The following KPNA6 variants were observed in gnomAD, a reference collection of about 807,000 sequenced individuals.
KPNA6 encodes importin subunit alpha-7.
A neutral mutation model predicts 72.0 loss-of-function variants in KPNA6; 9 were observed. The observed-to-expected ratio is 0.13, with a 90% CI of 0.08 to 0.22. The LOEUF is 0.22. Among genes scored for constraint, KPNA6 ranks in the 10% least tolerant of loss-of-function variants. The pLI, the probability that KPNA6 is intolerant of heterozygous loss-of-function variation, is 1.00. For synonymous variants in KPNA6, 219 were observed against 242.1 expected (o/e 0.90, Z 0.89); for missense variants, 374 against 655.7 (o/e 0.57, Z 4.69).
intron 1 of KPNA6, among the ~76,000 whole-genome samples, chr1:32,117,886 C>T (rs1359992201): frequency 6.6e-6 from 1 of 151,918 alleles, no homozygotes; most frequent in African/African-American, 2.4e-5. Context: ...ATCTCTTCCC[C>T]ACCCATCTTT....
chr1:32,156,621 T>G (rs570008814), intron 2 of KPNA6, among the ~76,000 whole-genome samples: 2 of 152,240 alleles, frequency 1.3e-5, no homozygotes, highest in African/African-American at 4.8e-5. Flanking sequence ...TTAAAACTTA[T>G]GAATTGTTCA....
chr1:32,151,598 T>C (rs904256712), intron 1 of KPNA6, among the ~76,000 whole-genome samples: 16 of 152,322 alleles, frequency 1.1e-4, no homozygotes, highest in African/African-American at 3.4e-4. Context: ...ACTGGTGAGA[T>C]TTCCGTGGTG....
chr1:32,154,731 T>C lies in KPNA6; in HGVS notation c.138+10T>C. 6.2e-7 allele frequency: 1 copy of C among 1,613,704 alleles called. No individual in the cohort carries two copies. Among genetic ancestry groups the C allele is most frequent in the Non-Finnish European group, 8.5e-7 (1 of 1,179,858 alleles). ...GAAGCGAGAGCAACAAGTGAGTTAA[T>C]GGGAGTATTCTCAAACATACTATTC... is the stretch of plus-strand genomic sequence containing the variant. On this transcript the variant is annotated intron_variant, in intron 2 of 13. Coordinates refer to ENST00000373625, the MANE Select transcript of KPNA6 (RefSeq NM_012316.5).
chr1:32,160,793 G>A, intron 7 of KPNA6, 90 bp downstream of exon 7: 1 of 870,846 alleles, frequency 1.1e-6, no homozygotes, highest in Non-Finnish European at 2.0e-6. Flanking sequence ...TCCTTAAGAT[G>A]ATAGGTAAGT....
chr1:32,143,692 AT>A (rs1641882345), intron 1 of KPNA6, among the ~76,000 whole-genome samples: 1 of 152,130 alleles, frequency 6.6e-6, no homozygotes, highest in Non-Finnish European at 1.5e-5. Flanking sequence ...TGTGACCATC[AT>A]CATCACTATT....
intron 1 of KPNA6, among the ~76,000 whole-genome samples, chr1:32,132,586 C>T (rs1165019925): frequency 2.0e-5 from 3 of 152,104 alleles, no homozygotes; most frequent in Admixed American, 6.5e-5. Context: ...CATTTCCAGT[C>T]AGTGCAGCCA....
chr1:32,162,358 C>A lies in KPNA6; in HGVS notation c.748-3C>A. 1.3e-6 allele frequency: 2 copies of A among 1,581,430 alleles called. No individual in the cohort carries two copies. Among genetic ancestry groups the A allele is most frequent in the Non-Finnish European group, 1.7e-6 (2 of 1,165,628 alleles). On this transcript the variant is annotated splice_polypyrimidine_tract_variant and splice_region_variant and intron_variant, in intron 8 of 13. Transcript: ENST00000373625. Reference sequence around the variant, plus strand: ...TGAGTCTTTCTCACTCTGCTTCCCACAGGTCTCTCCTTGTTTGCCTGTACT... The same window carrying A: ...TGAGTCTTTCTCACTCTGCTTCCCAAAGGTCTCTCCTTGTTTGCCTGTACT...
intron 1 of KPNA6, among the ~76,000 whole-genome samples, chr1:32,145,937 GA>G (rs1227036115): frequency 6.6e-6 from 1 of 152,126 alleles, no homozygotes; most frequent in Non-Finnish European, 1.5e-5. Context: ...TTCTGTTACT[GA>G]TTTCTAGCTT....
chr1:32,123,254 G>A (rs1334054552), intron 1 of KPNA6, among the ~76,000 whole-genome samples: 1 of 152,052 alleles, frequency 6.6e-6, no homozygotes, highest in Admixed American at 6.6e-5. Context: ...CAGTGTTTCC[G>A]GGCGTGGTGT....
At chr1:32,141,934 G>A (rs973585231) in intron 1 of KPNA6, among the ~76,000 whole-genome samples, 2 of 151,590 alleles carry the variant, frequency 1.3e-5, no homozygotes, top group East Asian at 1.9e-4. Flanking sequence ...CAACAGAAAT[G>A]TATTTTCTCA....
chr1:32,160,027 G>T (rs7539490), intron 6 of KPNA6, among the ~76,000 whole-genome samples: 2 of 152,128 alleles, frequency 1.3e-5, no homozygotes, highest in African/African-American at 4.8e-5. Flanking sequence ...CGCCAGGCGC[G>T]GTGGCTCACG....
rs778640897 is a variant in KPNA6, at chr1:32,162,394, C to G, written c.781C>G (p.Leu261Val). ...TTGTTTGCCTGTACTGTCTCGCCTA[C>G]TCTTCAGCAGCGACTCGGACTTGCT... ...SPCLPVLSRL[L>V]FSSDSDLLAD... is the part of the protein sequence containing the mutation. The change falls in exon 9 of 14, where the codon CTC becomes GTC. Residue 261 changes from leucine to valine, a missense_variant. Around this residue, in one of 3 missense-constraint regions of KPNA6, gnomAD observed 298 missense variants for 495.4 expected, o/e 0.60. Coordinates refer to ENST00000373625, the MANE Select transcript of KPNA6 (RefSeq NM_012316.5). 6.2e-7 allele frequency: 1 copy of G among 1,612,132 alleles called. No homozygotes were observed. The highest frequency in any genetic ancestry group is 8.5e-7 in the Non-Finnish European group (1 of 1,179,044).
Position 32,140,326 on chromosome 1 carries a change from G to A in KPNA6, c.5-14262G>A, listed in dbSNP as rs192547292. On this transcript the variant is annotated intron_variant, in intron 1 of 13. Coordinates refer to ENST00000373625, the MANE Select transcript of KPNA6 (RefSeq NM_012316.5). ...TTGAACCCAGGAGGCAGAGGTTGCA[G>A]TGAGCTGAGATGGTGCCACTGCACT... is the stretch of plus-strand genomic sequence containing the variant. Among the ~76,000 whole-genome samples, 1,068 of 152,208 alleles carry A rather than the reference G, an allele frequency of 7.0e-3. 5 individuals carry two copies. The highest frequency in any genetic ancestry group is 0.013 in the Non-Finnish European group (854 of 68,018).
chr1:32,136,393 C>T (rs1434605024), intron 1 of KPNA6, among the ~76,000 whole-genome samples: 1 of 152,038 alleles, frequency 6.6e-6, no homozygotes, highest in Non-Finnish European at 1.5e-5. Flanking sequence ...AGGCTGGTCT[C>T]AAACTCCTGA....
At chr1:32,119,032 A>ATATATATATATATTTTTT (rs1167325052) in intron 1 of KPNA6, among the ~76,000 whole-genome samples, 2 of 40,278 alleles carry the variant, frequency 5.0e-5, no homozygotes, top group African/African-American at 1.0e-4. Context: ...ATATATATAT[A>ATATATATATATATTTTTT]TTTTTTTTTT....
intron 9 of KPNA6, among the ~76,000 whole-genome samples, chr1:32,162,932 G>A (rs947622099): frequency 6.9e-4 from 105 of 151,164 alleles, no homozygotes; most frequent in Non-Finnish European, 1.3e-3. Flanking sequence ...GTGAAACCCC[G>A]TCTCTACTAA....
rs767393110 is a variant in KPNA6, at chr1:32,166,245, G to C, written c.1116+15G>C. On this transcript the variant is annotated intron_variant, in intron 11 of 13. Coordinates refer to ENST00000373625, the MANE Select transcript of KPNA6 (RefSeq NM_012316.5). The stretch of plus-strand genomic sequence containing the variant: ...CTCAAATACAGGTAAAACAGGCAGG[G>C]AAGTCAAGGGGCATGGGAAGTCATA... The C allele has an allele frequency of 1.2e-6, 2 of 1,608,746 alleles. No individual in the cohort carries two copies. Among genetic ancestry groups the C allele is most frequent in the South Asian group, 2.2e-5 (2 of 89,788 alleles).
chr1:32,169,859 C>T (rs1642406347), intron 12 of KPNA6, 23 bp from the exon 13 acceptor site: 6 of 1,610,074 alleles, frequency 3.7e-6, no homozygotes, highest in Non-Finnish European at 5.1e-6. Context: ...TAGTTTAGCA[C>T]TTGCCTGGTC....
chr1:32,167,727 G>C (rs1041284404), intron 12 of KPNA6, among the ~76,000 whole-genome samples: 1 of 152,078 alleles, frequency 6.6e-6, no homozygotes, highest in Non-Finnish European at 1.5e-5. Flanking sequence ...TTAGCCGGGC[G>C]TGGTGGCATG....
Sources: allele counts gnomAD v4.1 joint callset (sites outside exome capture counted in the v4.1 genomes callset), GRCh38; gene constraint gnomAD v4.1.1; regional missense constraint gnomAD v4.1.1; transcripts MANE v1.5; gene names NCBI Gene and HGNC (gene_info 2026-07-23, HGNC 2026-07-21).